The following GAK variants were observed in gnomAD, a reference collection of about 807,000 sequenced individuals.
The protein encoded by GAK is cyclin-G-associated kinase.
In GAK, 79 loss-of-function variants were observed where a neutral mutation model predicts 143.9. The ratio of observed to expected loss-of-function variants is 0.55; its 90% CI spans 0.46 to 0.66. The LOEUF is 0.66. Among genes scored for constraint, GAK ranks in the 30% least tolerant of loss-of-function variants. The pLI, the probability that GAK is intolerant of heterozygous loss-of-function variation, is 0.00. For synonymous variants in GAK, 881 were observed against 765.5 expected, an observed-to-expected ratio of 1.15 and a Z score of -2.49; for missense variants, 1,693 against 1,779.7, an observed-to-expected ratio of 0.95 and a Z score of 0.88.
At chr4:926,596 G>A (rs561882232) in intron 1 of GAK, among the ~76,000 whole-genome samples, 8 of 152,312 alleles carry the variant, frequency 5.3e-5, no homozygotes, top group South Asian at 2.1e-4. Context: ...CGGCAAATAC[G>A]AAGAGCCCCT....
chr4:912,699 C>A, intron 3 of GAK, 36 bp downstream of exon 3: 2 of 1,589,914 alleles, frequency 1.3e-6, no homozygotes, highest in Non-Finnish European at 1.7e-6. Flanking sequence ...CCTGCCAAAG[C>A]CACCGTGCTG....
rs1747644625 is a variant in GAK, at chr4:849,370, G to A, written c.*303C>T. The A allele has an allele frequency of 6.6e-6, 3 of 457,066 alleles. No individual in the cohort carries two copies. The highest frequency in any genetic ancestry group is 5.1e-5 in the South Asian group (2 of 39,074). 28.3% of individuals were successfully genotyped at this position (457,066 alleles called of 1,614,324 possible). ...AGGGCCCATGAGCGCCAGCAGCGTGGCCCACCACGTGCCGGGGCTCCAGAG... is the reference window on the plus strand; with the variant it reads ...AGGGCCCATGAGCGCCAGCAGCGTGACCCACCACGTGCCGGGGCTCCAGAG... On this transcript the variant is annotated 3_prime_UTR_variant, in exon 28 of 28. Transcript: ENST00000314167.
intron 18 of GAK, chr4:872,116 C>T (rs575712619): frequency 7.9e-5 from 12 of 152,360 alleles, no homozygotes; most frequent in African/African-American, 1.7e-4. Context: ...GTCAGAGCCA[C>T]GGCTGGTTTT....
Position 907,109 on chromosome 4 carries a change from C to T in GAK, c.383-2330G>A, listed in dbSNP as rs375819525. ...GCAGAGCGTGTAGCCGACTCAATTCCACTGACAATGAAGGCATGGTGTGAG... is the reference window on the plus strand; with the variant it reads ...GCAGAGCGTGTAGCCGACTCAATTCTACTGACAATGAAGGCATGGTGTGAG... On this transcript the variant is annotated intron_variant, in intron 4 of 27. Transcript: ENST00000314167. Among the ~76,000 whole-genome samples, 327 of 152,346 alleles carry T rather than the reference C, an allele frequency of 2.1e-3. 17 individuals are homozygous for T. The South Asian group carries it at 0.059, about 28-fold the overall frequency.
chr4:898,343 G>A (rs1392063879), intron 5 of GAK, among the ~76,000 whole-genome samples, 185 bp from the exon 6 acceptor site: 1 of 152,246 alleles, frequency 6.6e-6, no homozygotes, highest in African/African-American at 2.4e-5. Flanking sequence ...CAGCAGCTCG[G>A]GGTGCAGGGG....
At chr4:869,791 A>T (rs188239285) in intron 19 of GAK, 2 of 148,318 alleles carry the variant, frequency 1.3e-5, no homozygotes, top group Non-Finnish European at 3.0e-5. Flanking sequence ...CACAGCAGAG[A>T]TGCATGGTAC....
In GAK at chr4:885,143, A is replaced by T. The variant is rs548051969; in HGVS notation, c.1206-1057T>A. 1.5e-4 allele frequency among the ~76,000 whole-genome samples: 23 copies of T among 151,708 alleles called. 1 individual carries two copies. The highest frequency in any genetic ancestry group is 2.1e-4 in the South Asian group (1 of 4,778). On this transcript the variant is annotated intron_variant, in intron 11 of 27. Transcript: ENST00000314167. ...CTAAACCCACCGAGCAGGTGCTGAC[A>T]CAGGATGCGGGTCTTCCAAAGCAAC...
rs762130890 is a variant in GAK at position 849,992 on chromosome 4, C to G, written c.3734G>C (p.Gly1245Ala). Residue 1245 changes from glycine (G) to alanine (A), a missense_variant, in exon 27 of 28, where the codon GGG (glycine) becomes GCG (alanine). This residue lies in a region of GAK where 822 missense variants were observed against 788.7 expected (regional missense o/e 1.04). Coordinates refer to ENST00000314167, the MANE Select transcript of GAK (RefSeq NM_005255.4). ...LSTLHTVLWD[G>A]ESRWTPVGMA... is the part of the protein sequence containing the mutation. ...GCCCACGGGCGTCCAGCGGCTCTCCCCGTCCCACAGCACTGTGTGCAGCGT... is the reference window on the plus strand; with the variant it reads ...GCCCACGGGCGTCCAGCGGCTCTCCGCGTCCCACAGCACTGTGTGCAGCGT... 1 of 1,611,214 alleles carries G rather than the reference C, an allele frequency of 6.2e-7. No homozygotes were observed.
chr4:931,469 C>A (rs1725775246), intron 1 of GAK, among the ~76,000 whole-genome samples: 1 of 150,678 alleles, frequency 6.6e-6, no homozygotes, highest in South Asian at 2.1e-4. Flanking sequence ...ACGTGTGCAC[C>A]CACCAACTCT....
chr4:888,740 G>C, intron 11 of GAK, 107 bp downstream of exon 11: 2 of 1,394,766 alleles, frequency 1.4e-6, no homozygotes, highest in South Asian at 2.8e-5. Context: ...AGGGGCCCCT[G>C]TGGGGCCTGA....
At chr4:898,919 A>T (rs562093144) in intron 5 of GAK, among the ~76,000 whole-genome samples, 2 of 152,128 alleles carry the variant, frequency 1.3e-5, no homozygotes, top group Non-Finnish European at 2.9e-5. Context: ...ACAATTGTGA[A>T]GCCCACATTA....
chr4:875,236 C>T (rs1265392736), intron 18 of GAK, among the ~76,000 whole-genome samples: 1 of 152,110 alleles, frequency 6.6e-6, no homozygotes, highest in East Asian at 1.9e-4. Flanking sequence ...ACTCTAAGAG[C>T]ACTGGGTGTT....
intron 7 of GAK, 111 bp downstream of exon 7, chr4:896,349 G>T (rs951371401): frequency 5.3e-6 from 4 of 758,984 alleles, no homozygotes; most frequent in Admixed American, 4.1e-5. Context: ...AGGGGAAGAG[G>T]GGGTGGAGGA....
Position 920,287 on chromosome 4 carries a change from G to A in GAK, c.146-6619C>T, listed in dbSNP as rs369167516. Among the ~76,000 whole-genome samples, 321 of 148,092 alleles carry A rather than the reference G, an allele frequency of 2.2e-3. 17 individuals are homozygous for A. In the South Asian group the frequency reaches 0.059, roughly 27 times the overall value. On this transcript the variant is annotated intron_variant, in intron 1 of 27. Coordinates refer to ENST00000314167, the MANE Select transcript of GAK (RefSeq NM_005255.4). ...CACGCCACTGCACTCCAACCTGGGC[G>A]ACAGAGCAAAAGTCCATCTCAAAAA...
chr4:852,244 C>T (rs1194343633), intron 24 of GAK: 18 of 550,610 alleles, frequency 3.3e-5, no homozygotes, highest in East Asian at 2.8e-4. Context: ...ACCCCACCCC[C>T]AGGAGCCAAG....
At chr4:910,830 C>T (rs1263125697) in intron 4 of GAK, among the ~76,000 whole-genome samples, 2 of 152,128 alleles carry the variant, frequency 1.3e-5, no homozygotes, top group Admixed American at 1.3e-4. Flanking sequence ...CCCGAGTGCT[C>T]GACTTCCCCT....
intron 1 of GAK, among the ~76,000 whole-genome samples, chr4:917,621 G>C (rs1723281979): frequency 6.6e-6 from 1 of 152,374 alleles, no homozygotes; most frequent in South Asian, 2.1e-4. Flanking sequence ...GTGGTTTCCT[G>C]GGATGGGAAC....
chr4:897,183 AC>A (rs1718968224), intron 6 of GAK, among the ~76,000 whole-genome samples: 1 of 152,034 alleles, frequency 6.6e-6, no homozygotes, highest in Non-Finnish European at 1.5e-5. Context: ...AGACACACAA[AC>A]CCCATCCTCA....
At chr4:892,715 C>A (rs1717914847) in intron 9 of GAK, among the ~76,000 whole-genome samples, 1 of 152,186 alleles carries the variant, frequency 6.6e-6, no homozygotes, top group Non-Finnish European at 1.5e-5. Context: ...CAGAGCAACT[C>A]AGGACACCCC....
Sources: gnomAD v4.1 joint callset for allele counts (sites outside exome capture counted in the v4.1 genomes callset) on GRCh38, gnomAD v4.1.1 for gene constraint, gnomAD v4.1.1 regional missense constraint, MANE v1.5 for transcripts, NCBI Gene and HGNC (gene_info 2026-07-23, HGNC 2026-07-21) for gene names.